The following FGD5 variants were observed in gnomAD, a reference collection of about 807,000 sequenced individuals.
The protein encoded by FGD5 is FYVE, RhoGEF and PH domain-containing protein 5.
In FGD5, 28 loss-of-function variants were observed where a neutral mutation model predicts 133.4. The observed-to-expected ratio is 0.21, with a 90% CI of 0.16 to 0.29. The LOEUF (loss-of-function observed/expected upper bound fraction) is 0.29. Among genes scored for constraint, FGD5 ranks in the 10% least tolerant of loss-of-function variants. The pLI is 1.00. For synonymous variants in FGD5, 810 were observed against 776.5 expected (o/e 1.04, Z -0.72); for missense variants, 1,858 against 1,895.2 (o/e 0.98, Z 0.36).
chr3:14,881,408 T>C (rs1462006914), intron 4 of FGD5, among the ~76,000 whole-genome samples: 1 of 152,154 alleles, frequency 6.6e-6, no homozygotes, highest in Non-Finnish European at 1.5e-5. Context: ...TAACAAGAAC[T>C]GGAGAATGGG....
chr3:14,890,865 G>GT (rs1553628844), intron 4 of FGD5, among the ~76,000 whole-genome samples: 1 of 152,196 alleles, frequency 6.6e-6, no homozygotes, highest in Non-Finnish European at 1.5e-5. Context: ...AATTGACAAA[G>GT]CAGTTGTAAT....
At chr3:14,845,735 CA>C (rs567646688) in intron 1 of FGD5, among the ~76,000 whole-genome samples, 716 of 152,314 alleles carry the variant, frequency 4.7e-3, no homozygotes, top group Non-Finnish European at 8.2e-3. Flanking sequence ...AGGTCTAGAG[CA>C]GTGTTCATTG....
At chr3:14,904,369 A>G (rs1484613622) in intron 9 of FGD5, among the ~76,000 whole-genome samples, 1 of 152,202 alleles carries the variant, frequency 6.6e-6, no homozygotes, top group East Asian at 1.9e-4. Flanking sequence ...GAAGTCATTT[A>G]TATCAGTATG....
intron 1 of FGD5, among the ~76,000 whole-genome samples, chr3:14,851,238 C>T (rs2037158052): frequency 6.6e-6 from 1 of 152,172 alleles, no homozygotes; most frequent in Non-Finnish European, 1.5e-5. Context: ...ACCTCATTTA[C>T]AGATGTCATC....
rs755140442 is a variant in FGD5 at position 14,819,647 on chromosome 3, C to T, written c.576C>T (p.Ser192=). 54 of 1,549,296 alleles carry T rather than the reference C, an allele frequency of 3.5e-5. No individual in the cohort carries two copies. In the Middle Eastern group the frequency reaches 8.4e-4, roughly 24 times the overall value. ...GPWAGEGVFQ[S]DLLLPHIHGE... is the part of the protein sequence containing the mutation. ...GGGCTGGAGAGGGGGTCTTCCAGAG[C>T]GACCTCCTCCTGCCTCACATCCATG... Residue 192 remains serine (S), a synonymous_variant, in exon 1 of 20, where the codon AGC becomes AGT. Coordinates refer to ENST00000285046, the MANE Select transcript of FGD5 (RefSeq NM_152536.4). The surrounding 1 kb of genome is among the most constrained non-coding windows in gnomAD (Gnocchi z 4.1).
At chr3:14,911,886 C>T (rs563490021) in intron 11 of FGD5, among the ~76,000 whole-genome samples, 9 of 151,202 alleles carry the variant, frequency 6.0e-5, no homozygotes, top group South Asian at 2.1e-4. Flanking sequence ...CTGCTGGGTG[C>T]GCACACTGTG....
intron 4 of FGD5, among the ~76,000 whole-genome samples, chr3:14,883,497 CAATT>C (rs1192102940): frequency 2.0e-5 from 3 of 152,198 alleles, no homozygotes; most frequent in East Asian, 1.9e-4. Flanking sequence ...CATTCACTCT[CAATT>C]AATCTACTAC....
intron 2 of FGD5, among the ~76,000 whole-genome samples, chr3:14,868,257 G>GC (rs921046988): frequency 1.3e-4 from 19 of 151,946 alleles, no homozygotes; most frequent in Non-Finnish European, 2.4e-4. Context: ...GTAGCCAGCA[G>GC]CCCCTCCCAG....
At chr3:14,827,942 T>TA (rs1357178889) in intron 1 of FGD5, among the ~76,000 whole-genome samples, 2 of 152,210 alleles carry the variant, frequency 1.3e-5, no homozygotes, top group Non-Finnish European at 2.9e-5. Context: ...CCAGGGTTGT[T>TA]ACAGAGCTGC....
chr3:14,869,178 C>T (rs1037213691), intron 2 of FGD5, among the ~76,000 whole-genome samples: 2 of 152,060 alleles, frequency 1.3e-5, no homozygotes, highest in African/African-American at 4.8e-5. Context: ...CCTGTAGTCC[C>T]AGCTACTTTG....
intron 9 of FGD5, 127 bp downstream of exon 9, chr3:14,901,188 C>CCACA: frequency 9.9e-7 from 1 of 1,013,184 alleles, no homozygotes; most frequent in Non-Finnish European, 1.5e-6. Context: ...TGGGACTCTG[C>CCACA]AGAGAGCCGT....
intron 4 of FGD5, among the ~76,000 whole-genome samples, chr3:14,888,111 A>C (rs1187709591): frequency 6.6e-6 from 1 of 151,712 alleles, no homozygotes. Context: ...TTGAGGCTGC[A>C]GTGAGCTATG....
chr3:14,861,606 C>G (rs565190730), intron 1 of FGD5, among the ~76,000 whole-genome samples: 1 of 152,326 alleles, frequency 6.6e-6, no homozygotes, highest in African/African-American at 2.4e-5. Flanking sequence ...ATCTCCTTCC[C>G]CTTTCCAGGG....
At chr3:14,835,506 A>AAAAAG (rs374249131) in intron 1 of FGD5, among the ~76,000 whole-genome samples, 1,804 of 151,896 alleles carry the variant, frequency 0.012, 43 homozygotes, top group African/African-American at 0.041. Context: ...TCTCAAAAAA[A>AAAAAG]AAAAGAAAAG....
chr3:14,906,500 G>A (rs2038344105), intron 9 of FGD5, among the ~76,000 whole-genome samples: 1 of 152,244 alleles, frequency 6.6e-6, no homozygotes, highest in Non-Finnish European at 1.5e-5. Context: ...TGGAACTGAA[G>A]CCTTGCATGA....
chr3:14,864,164 G>T lies in FGD5; in HGVS notation c.2562G>T (p.Ser854=). The T allele has an allele frequency of 1.2e-6, 2 of 1,613,980 alleles. No individual in the cohort carries two copies. The highest frequency in any genetic ancestry group is 1.1e-5 in the South Asian group (1 of 91,084). The change falls in exon 2 of 20, where the codon TCG becomes TCT. Residue 854 remains serine, a synonymous_variant. Transcript: ENST00000285046. ...AGCCCTACAAAGTCTGTCCCATCTC[G>T]TCGGCAGCCCCCAAAGAGGACCTTA... ...YTEPYKVCPI[S]SAAPKEDLTS...
chr3:14,904,378 T>G (rs1006090588), intron 9 of FGD5, among the ~76,000 whole-genome samples: 1 of 152,234 alleles, frequency 6.6e-6, no homozygotes, highest in Non-Finnish European at 1.5e-5. Flanking sequence ...TATATCAGTA[T>G]GGACTGTTAT....
rs1205188056 is a variant in FGD5, at chr3:14,901,082, C to T, written c.3264+21C>T. The T allele has an allele frequency of 1.9e-6, 3 of 1,613,806 alleles. No individual in the cohort carries two copies. In the East Asian group the frequency reaches 6.7e-5, roughly 36 times the overall value. On this transcript the variant is annotated intron_variant, in intron 9 of 19. Transcript: ENST00000285046. The stretch of plus-strand genomic sequence containing the variant: ...AAGGGGTGAGTGCGGCCTGGCGGCC[C>T]CCTTCCTCAGACACAGGTTCCAGGC...
intron 4 of FGD5, among the ~76,000 whole-genome samples, chr3:14,889,696 C>T (rs1205718610): frequency 6.6e-6 from 1 of 152,126 alleles, no homozygotes; most frequent in East Asian, 1.9e-4. Context: ...CACACTCTTG[C>T]CAACATGTTG....
Sources: gnomAD v4.1 joint callset for allele counts (sites outside exome capture counted in the v4.1 genomes callset) on GRCh38, gnomAD v4.1.1 for gene constraint, Gnocchi (gnomAD v3.1) non-coding constraint, MANE v1.5 for transcripts, NCBI Gene and HGNC (gene_info 2026-07-23, HGNC 2026-07-21) for gene names.